ATP11A: variants seen among roughly 807,000 people sequenced by gnomAD.
The protein encoded by ATP11A is phospholipid-transporting ATPase IH.
Under a neutral mutation model 154.4 loss-of-function variants are expected in ATP11A, and 81 were observed. The observed-to-expected ratio is 0.52, with a 90% CI of 0.44 to 0.63. The LOEUF (loss-of-function observed/expected upper bound fraction) is 0.63. ATP11A is among the 30% of genes least tolerant of loss of function. The pLI is 0.00. For synonymous variants in ATP11A, 623 were observed against 585.9 expected, an observed-to-expected ratio of 1.06 and a Z score of -0.91; for missense variants, 1,316 against 1,474.3, an observed-to-expected ratio of 0.89 and a Z score of 1.76.
At chr13:112,840,908 G>A (rs1484474320) in intron 16 of ATP11A, among the ~76,000 whole-genome samples, 2 of 152,162 alleles carry the variant, frequency 1.3e-5, no homozygotes, top group African/African-American at 2.4e-5. Context: ...CCCACTCTGG[G>A]GCCCTCTGGA....
At chr13:112,771,691 G>A (rs2077228497) in intron 1 of ATP11A, among the ~76,000 whole-genome samples, 1 of 152,184 alleles carries the variant, frequency 6.6e-6, no homozygotes, top group Non-Finnish European at 1.5e-5. Flanking sequence ...ACAAAAGCCG[G>A]GAACTGCTGG....
intron 2 of ATP11A, among the ~76,000 whole-genome samples, chr13:112,792,438 C>T (rs2077886037): frequency 1.3e-5 from 2 of 152,030 alleles, no homozygotes; most frequent in Non-Finnish European, 2.9e-5. Context: ...ATGATTTCTA[C>T]CTAAAAAAAA....
At chr13:112,805,630 C>T (rs943818088) in intron 3 of ATP11A, among the ~76,000 whole-genome samples, 2 of 141,672 alleles carry the variant, frequency 1.4e-5, no homozygotes, top group African/African-American at 5.3e-5. Context: ...GAGCTGAGAT[C>T]GTGCCACTAC....
At position 112,755,094 on chromosome 13, in the gene ATP11A, T is replaced by C. The variant is rs35315123; in HGVS notation, c.40-30041T>C. On this transcript the variant is annotated intron_variant, in intron 1 of 29. Coordinates refer to ENST00000375645, the MANE Select transcript of ATP11A (RefSeq NM_015205.3). ...ACTGTGGGCCGATGAAATGCGACTG[T>C]GGACGAGGAAATTGTACTTTCCGAA... 7.0e-3 allele frequency among the ~76,000 whole-genome samples: 1,071 copies of C among 152,352 alleles called. 3 individuals carry two copies. The highest frequency in any genetic ancestry group is 0.01 in the Non-Finnish European group (689 of 68,022).
chr13:112,695,523 A>G (rs544838837), intron 1 of ATP11A, among the ~76,000 whole-genome samples: 34 of 152,346 alleles, frequency 2.2e-4, no homozygotes, highest in African/African-American at 7.7e-4. Context: ...ATTAGGAACA[A>G]GCATCTTGAG....
chr13:112,722,332 G>A (rs988502621), intron 1 of ATP11A, among the ~76,000 whole-genome samples: 2 of 151,912 alleles, frequency 1.3e-5, no homozygotes, highest in African/African-American at 4.8e-5. Flanking sequence ...CCAGGGGAGA[G>A]GGTTTCCAGG....
intron 5 of ATP11A, among the ~76,000 whole-genome samples, chr13:112,813,868 CTT>C (rs1055467515): frequency 4.6e-5 from 7 of 152,004 alleles, no homozygotes; most frequent in African/African-American, 1.7e-4. Flanking sequence ...AAAAATAACT[CTT>C]CATGTCTTTT....
At chr13:112,694,838 A>G (rs952717406) in intron 1 of ATP11A, among the ~76,000 whole-genome samples, 1 of 152,248 alleles carries the variant, frequency 6.6e-6, no homozygotes, top group African/African-American at 2.4e-5. Context: ...ACAAACTGTT[A>G]TAAGTTTTTT....
chr13:112,728,161 T>G (rs898982396), intron 1 of ATP11A, among the ~76,000 whole-genome samples: 1 of 152,188 alleles, frequency 6.6e-6, no homozygotes, highest in Non-Finnish European at 1.5e-5. Flanking sequence ...GTGTGGCTGG[T>G]GCCAGTTAGC....
rs937810320 is a variant in ATP11A, at chr13:112,856,058, C to T, written c.2391C>T (p.Cys797=). 2 of 1,613,200 alleles carry T rather than the reference C, an allele frequency of 1.2e-6. No homozygotes were observed. Among genetic ancestry groups the T allele is most frequent in the Admixed American group, 1.7e-5 (1 of 59,948 alleles). ...GGAGCTGCAGCGCGGTGCTCTGCTG[C>T]CGCATGGCGCCCTTGCAGAAGGCTC... The part of the protein sequence containing the change: ...ICRSCSAVLC[C]RMAPLQKAQI... The change falls in exon 20 of 30, where the codon TGC becomes TGT. Residue 797 remains cysteine, a synonymous_variant. Coordinates refer to ENST00000375645, the MANE Select transcript of ATP11A (RefSeq NM_015205.3).
chr13:112,758,837 C>T (rs948780474), intron 1 of ATP11A, among the ~76,000 whole-genome samples: 6 of 152,206 alleles, frequency 3.9e-5, no homozygotes, highest in African/African-American at 4.8e-5. Flanking sequence ...TATCTCAGAA[C>T]GGTTCATTAC....
At chr13:112,847,806 C>A (rs2079649646) in intron 17 of ATP11A, among the ~76,000 whole-genome samples, 1 of 152,156 alleles carries the variant, frequency 6.6e-6, no homozygotes, top group South Asian at 2.1e-4. Context: ...CCACTGGGGG[C>A]CAGGTACGGT....
intron 1 of ATP11A, among the ~76,000 whole-genome samples, chr13:112,760,146 CT>C (rs1466594589): frequency 6.6e-6 from 1 of 152,216 alleles, no homozygotes; most frequent in Non-Finnish European, 1.5e-5. Context: ...AAACGTGAGT[CT>C]TTTCATTTCT....
At chr13:112,721,657 C>T (rs1461385894) in intron 1 of ATP11A, among the ~76,000 whole-genome samples, 3 of 152,178 alleles carry the variant, frequency 2.0e-5, no homozygotes, top group Admixed American at 6.5e-5. Flanking sequence ...GGGTTAGTCC[C>T]GGGGTCAGTT....
intron 24 of ATP11A, 30 bp from the exon 25 acceptor site, chr13:112,862,410 A>T: frequency 6.2e-7 from 1 of 1,611,994 alleles, no homozygotes; most frequent in Non-Finnish European, 8.5e-7. Flanking sequence ...ATTCTCGAGG[A>T]CACACGCTGT....
At chr13:112,879,795 A>G (rs56117450) in intron 29 of ATP11A, among the ~76,000 whole-genome samples, 2,421 of 152,366 alleles carry the variant, frequency 0.016, 34 homozygotes, top group Non-Finnish European at 0.025. Context: ...CGTGGGGCAT[A>G]TGTTACTTCC....
At chr13:112,815,298 T>C (rs2078614038) in intron 5 of ATP11A, among the ~76,000 whole-genome samples, 1 of 151,394 alleles carries the variant, frequency 6.6e-6, no homozygotes, top group South Asian at 2.1e-4. Context: ...TTCCACACCC[T>C]TCAGACACAC....
Position 112,864,130 on chromosome 13 carries a change from A to C in ATP11A, c.2991+1555A>C, listed in dbSNP as rs1463084021. Among the ~76,000 whole-genome samples, 37 of 45,842 alleles carry C rather than the reference A, an allele frequency of 8.1e-4. 2 individuals are homozygous for C. The highest frequency in any genetic ancestry group is 2.0e-3 in the Admixed American group (7 of 3,466). The allele number at this position is 45,842 out of a possible 152,430, so 30.1% of individuals were successfully genotyped here. ...CACCTGCGCAGTAATTCAGTGCAGC[A>C]CGTGCAGCTTCCCAGCGGGGTCCAT... On this transcript the variant is annotated intron_variant, in intron 25 of 29. Coordinates refer to ENST00000375645, the MANE Select transcript of ATP11A (RefSeq NM_015205.3).
intron 1 of ATP11A, among the ~76,000 whole-genome samples, chr13:112,692,969 G>C (rs1047206824): frequency 6.6e-6 from 1 of 152,212 alleles, no homozygotes; most frequent in African/African-American, 2.4e-5. Flanking sequence ...AATAGACCCT[G>C]TTCCTTCTTG....
Sources: gnomAD v4.1 joint callset for allele counts (sites outside exome capture counted in the v4.1 genomes callset) on GRCh38, gnomAD v4.1.1 for gene constraint, MANE v1.5 for transcripts, NCBI Gene and HGNC (gene_info 2026-07-23, HGNC 2026-07-21) for gene names.